Variants in BTF3L4 observed in about 807,000 individuals in gnomAD.
BTF3L4 encodes the protein basic transcription factor 3 like 4.
BTF3L4 carries 6 observed loss-of-function variants against 16.8 expected under a neutral mutation model. That is an observed-to-expected ratio of 0.36 (90% CI 0.20 to 0.71). The LOEUF (loss-of-function observed/expected upper bound fraction) is 0.71. BTF3L4 is among the 30% of genes least tolerant of loss of function. The pLI is 0.58. For synonymous variants in BTF3L4, 39 were observed against 59.8 expected, an observed-to-expected ratio of 0.65 and a Z score of 1.60; for missense variants, 92 against 186.9, an observed-to-expected ratio of 0.49 and a Z score of 2.96.
At chr1:52,079,878 T>C (rs899856954) in intron 3 of BTF3L4, among the ~76,000 whole-genome samples, 7 of 148,974 alleles carry the variant, frequency 4.7e-5, no homozygotes, top group African/African-American at 1.7e-4. Context: ...TTTTCTTTTT[T>C]TTTTTTTTTT....
chr1:52,059,279 A>T (rs1301206871), intron 1 of BTF3L4, among the ~76,000 whole-genome samples: 1 of 152,192 alleles, frequency 6.6e-6, no homozygotes, highest in Non-Finnish European at 1.5e-5. Flanking sequence ...ATACCATCTG[A>T]CCTTGAATAG....
At chr1:52,066,246 T>G (rs1164006917) in intron 3 of BTF3L4, among the ~76,000 whole-genome samples, 1 of 152,056 alleles carries the variant, frequency 6.6e-6, no homozygotes, top group African/African-American at 2.4e-5. Flanking sequence ...CAGGCTAGAG[T>G]GCAGTGGTGT....
Position 52,087,096 on chromosome 1 carries a change from T to C in BTF3L4, c.*338T>C, listed in dbSNP as rs1360379415. 2.1e-5 allele frequency: 4 copies of C among 190,520 alleles called. No homozygotes were observed. In the East Asian group the frequency reaches 3.6e-4, roughly 17 times the overall value. 11.8% of individuals were successfully genotyped at this position (190,520 alleles called of 1,614,324 possible). A position where few individuals can be genotyped will look rare whatever the true frequency, so the allele number is the denominator to read the frequency against. The stretch of plus-strand genomic sequence containing the variant: ...ATGTGTGTATACAGTGGAGAGCAAA[T>C]TGGAAAACAGTTCTATTTATCCTCC... On this transcript the variant is annotated 3_prime_UTR_variant, in exon 6 of 6. Coordinates refer to ENST00000313334, the MANE Select transcript of BTF3L4 (RefSeq NM_152265.5).
chr1:52,066,452 TTG>T (rs1686650482), intron 3 of BTF3L4, among the ~76,000 whole-genome samples: 1 of 151,612 alleles, frequency 6.6e-6, no homozygotes, highest in East Asian at 1.9e-4. Context: ...TCTGCCCACC[TTG>T]GCCTCCCAAA....
chr1:52,080,368 T>A (rs1643906608), intron 3 of BTF3L4, among the ~76,000 whole-genome samples: 1 of 152,162 alleles, frequency 6.6e-6, no homozygotes, highest in Admixed American at 6.6e-5. Context: ...GGAAGACTTC[T>A]AAGTTCAACA....
At chr1:52,069,765 A>G (rs141145728) in intron 3 of BTF3L4, among the ~76,000 whole-genome samples, 1 of 152,262 alleles carries the variant, frequency 6.6e-6, no homozygotes, top group East Asian at 1.9e-4. Flanking sequence ...GGATCTCAAA[A>G]TTCATTGAAT....
At chr1:52,069,158 A>G (rs373009615) in intron 3 of BTF3L4, among the ~76,000 whole-genome samples, 2 of 152,210 alleles carry the variant, frequency 1.3e-5, no homozygotes, top group Admixed American at 6.5e-5. Flanking sequence ...ATAGTTGTAC[A>G]GGGAAAACGT....
chr1:52,078,689 C>A (rs1445729440), intron 3 of BTF3L4, among the ~76,000 whole-genome samples: 1 of 152,094 alleles, frequency 6.6e-6, no homozygotes, highest in African/African-American at 2.4e-5. Context: ...TATATAAATA[C>A]ACTAGGAATG....
chr1:52,061,525 C>T (rs1686509485), intron 2 of BTF3L4, among the ~76,000 whole-genome samples: 2 of 148,604 alleles, frequency 1.3e-5, no homozygotes, highest in South Asian at 2.1e-4. Context: ...TAAGAGGGTT[C>T]ATGAGATAGA....
intron 2 of BTF3L4, chr1:52,060,572 TCAAGGA>T (rs1686483976): frequency 1.3e-5 from 15 of 1,198,226 alleles, no homozygotes; most frequent in Non-Finnish European, 1.6e-5. Flanking sequence ...GGCACCAGGC[TCAAGGA>T]GAATATTCTA....
intron 3 of BTF3L4, among the ~76,000 whole-genome samples, chr1:52,078,064 C>T (rs954352112): frequency 2.0e-5 from 3 of 151,942 alleles, no homozygotes; most frequent in Non-Finnish European, 4.4e-5. Flanking sequence ...CTGACAATAT[C>T]CTTTTTTTTC....
At chr1:52,056,701 G>A (rs1686368439) in intron 1 of BTF3L4, among the ~76,000 whole-genome samples, 1 of 152,252 alleles carries the variant, frequency 6.6e-6, no homozygotes, top group South Asian at 2.1e-4. Context: ...GCAGTGTTGT[G>A]TGCTTTGAGC....
chr1:52,063,989 A>G (rs1038814811), intron 2 of BTF3L4, among the ~76,000 whole-genome samples: 1 of 152,214 alleles, frequency 6.6e-6, no homozygotes, highest in Admixed American at 6.5e-5. Flanking sequence ...AAAACCTTTC[A>G]ATGGCTTCCC....
chr1:52,074,640 G>A (rs1251075104), intron 3 of BTF3L4, among the ~76,000 whole-genome samples: 1 of 151,856 alleles, frequency 6.6e-6, no homozygotes, highest in Non-Finnish European at 1.5e-5. Context: ...AGGATTACAG[G>A]TGTAAGCCAC....
At position 52,083,237 on chromosome 1, in the gene BTF3L4, A is replaced by G. The variant is rs1643941198; in HGVS notation, c.169-103A>G. 8 of 924,774 alleles carry G rather than the reference A, an allele frequency of 8.7e-6. No homozygotes were observed. In the South Asian group the frequency reaches 1.3e-4, roughly 15 times the overall value. The allele number at this position is 924,774 out of a possible 1,614,324, so 57.3% of individuals were successfully genotyped here. ...GCCAGTTACTACCTTGGGATTACATAACTACCAAGTAAAGAACCATAATTG... is the reference window on the plus strand; with the variant it reads ...GCCAGTTACTACCTTGGGATTACATGACTACCAAGTAAAGAACCATAATTG... On this transcript the variant is annotated intron_variant, in intron 3 of 5. Transcript: ENST00000313334.
chr1:52,075,050 C>A (rs1351664619), intron 3 of BTF3L4, among the ~76,000 whole-genome samples: 1 of 151,856 alleles, frequency 6.6e-6, no homozygotes, highest in Non-Finnish European at 1.5e-5. Flanking sequence ...AGCCACCACA[C>A]CCGGCCAATA....
intron 1 of BTF3L4, among the ~76,000 whole-genome samples, chr1:52,058,625 G>A (rs1415916515): frequency 6.6e-6 from 1 of 151,124 alleles, no homozygotes; most frequent in Admixed American, 6.6e-5. Context: ...TTTTGAGACG[G>A]AGTTTCGCTC....
chr1:52,073,015 G>GC (rs1686831727), intron 3 of BTF3L4, among the ~76,000 whole-genome samples: 1 of 152,134 alleles, frequency 6.6e-6, no homozygotes, highest in Non-Finnish European at 1.5e-5. Flanking sequence ...CCAAGATCGT[G>GC]CCATTGCACT....
chr1:52,072,715 C>A (rs1265560127), intron 3 of BTF3L4, among the ~76,000 whole-genome samples: 2 of 152,110 alleles, frequency 1.3e-5, no homozygotes, highest in African/African-American at 4.8e-5. Context: ...ACATTTTATC[C>A]ATCCTTATTG....
Sources: gnomAD v4.1 joint callset for allele counts (sites outside exome capture counted in the v4.1 genomes callset) on GRCh38, gnomAD v4.1.1 for gene constraint, MANE v1.5 for transcripts, NCBI Gene and HGNC (gene_info 2026-07-23, HGNC 2026-07-21) for gene names.